The following PLB1 variants were observed in gnomAD, a reference collection of about 807,000 sequenced individuals.
PLB1 encodes phospholipase B1, membrane-associated.
Under a neutral mutation model 227.4 loss-of-function variants are expected in PLB1, and 242 were observed. That is an observed-to-expected ratio of 1.06 (90% CI 0.96 to 1.18). The LOEUF (loss-of-function observed/expected upper bound fraction) is 1.18. Among genes scored for constraint, PLB1 ranks in the 50% most tolerant of loss-of-function variants. PLB1 has a pLI of 0.00. For synonymous variants in PLB1, 757 were observed against 682.2 expected (o/e 1.11, Z -1.71); for missense variants, 1,858 against 1,816.3 (o/e 1.02, Z -0.42).
intron 38 of PLB1, 37 bp downstream of exon 38, chr2:28,602,001 A>C (rs762085287): frequency 2.0e-6 from 3 of 1,523,316 alleles, no homozygotes; most frequent in East Asian, 4.5e-5. Context: ...TAACAGCTCA[A>C]GCATGGTGAG....
intron 53 of PLB1, among the ~76,000 whole-genome samples, chr2:28,629,587 C>T (rs1688308742): frequency 6.6e-6 from 1 of 152,204 alleles, no homozygotes; most frequent in African/African-American, 2.4e-5. Flanking sequence ...ACCACATAAC[C>T]TCTATGAGCC....
chr2:28,510,388 G>A (rs1312151831), intron 1 of PLB1, among the ~76,000 whole-genome samples: 1 of 152,006 alleles, frequency 6.6e-6, no homozygotes, highest in South Asian at 2.1e-4. Context: ...GCCCATTCTT[G>A]TTTGGGTAGC....
intron 33 of PLB1, 99 bp from the exon 34 acceptor site, chr2:28,597,906 G>A: frequency 8.6e-7 from 1 of 1,158,964 alleles, no homozygotes; most frequent in South Asian, 1.2e-5. Flanking sequence ...GTGCCGATGG[G>A]CACTAAGAAG....
At chr2:28,573,011 G>A (rs751622153) in intron 20 of PLB1, among the ~76,000 whole-genome samples, 186 bp from the exon 21 acceptor site, 4 of 152,140 alleles carry the variant, frequency 2.6e-5, no homozygotes, top group African/African-American at 4.8e-5. Context: ...AACATCTGTC[G>A]TGTGCTGCCC....
chr2:28,630,591 A>C lies in PLB1; in HGVS notation c.3824A>C (p.Asn1275Thr). Residue 1275 changes from asparagine (N) to threonine (T), a missense_variant, in exon 54 of 58, where the codon AAC becomes ACC. Coordinates refer to ENST00000327757, the MANE Select transcript of PLB1 (RefSeq NM_153021.5). ...CAACACTCCCTGTCTCACAGGAACA[A>C]CTGCACTTGCCTCAGACACTCGCAA... ...GKCAMLAAQN[N>T]CTCLRHSQSS... The C allele has an allele frequency of 6.2e-7, 1 of 1,613,568 alleles. No individual in the cohort carries two copies. Among genetic ancestry groups the C allele is most frequent in the Non-Finnish European group, 8.5e-7 (1 of 1,179,666 alleles).
intron 17 of PLB1, among the ~76,000 whole-genome samples, chr2:28,556,080 C>CT (rs1675065004): frequency 6.6e-6 from 1 of 152,104 alleles, no homozygotes; most frequent in African/African-American, 2.4e-5. Flanking sequence ...CCGGGCTGGC[C>CT]TTGAACTCCT....
intron 43 of PLB1, among the ~76,000 whole-genome samples, chr2:28,608,395 G>A (rs1182412911): frequency 6.6e-6 from 1 of 152,040 alleles, no homozygotes; most frequent in Non-Finnish European, 1.5e-5. Flanking sequence ...AAACATAGAG[G>A]CAACAGGCAA....
At chr2:28,619,519 G>GTTTTTTTTTTTTTTTTTTTTTTTTTT (rs776491318) in intron 46 of PLB1, among the ~76,000 whole-genome samples, 1 of 124,610 alleles carries the variant, frequency 8.0e-6, no homozygotes, top group Admixed American at 7.7e-5. Context: ...AAATTTCAAG[G>GTTTTTTTTTTTTTTTTTTTTTTTTTT]TTTTGTTTTT....
intron 26 of PLB1, among the ~76,000 whole-genome samples, chr2:28,587,813 G>A (rs192295055): frequency 1.6e-3 from 247 of 152,324 alleles, no homozygotes; most frequent in Non-Finnish European, 2.7e-3. Flanking sequence ...GAAAGCAGGC[G>A]TTCTCTCATC....
intron 21 of PLB1, among the ~76,000 whole-genome samples, chr2:28,575,189 C>A (rs1281502774): frequency 6.6e-6 from 1 of 152,114 alleles, no homozygotes; most frequent in Non-Finnish European, 1.5e-5. Context: ...ATTTTTTTGA[C>A]TTTTTAATTA....
At chr2:28,599,222 A>C (rs1683476330) in intron 35 of PLB1, among the ~76,000 whole-genome samples, 1 of 152,244 alleles carries the variant, frequency 6.6e-6, no homozygotes, top group South Asian at 2.1e-4. Flanking sequence ...GGAGCTAACA[A>C]GAAATGGAAT....
At chr2:28,544,469 C>G (rs1672941848) in intron 14 of PLB1, among the ~76,000 whole-genome samples, 1 of 152,192 alleles carries the variant, frequency 6.6e-6, no homozygotes, top group Admixed American at 6.5e-5. Context: ...ATGGCTTGCC[C>G]TTGAAGGTAC....
At position 28,629,122 on chromosome 2, in the gene PLB1, A is replaced by G. The variant is rs1335827358; in HGVS notation, c.3755A>G (p.Glu1252Gly). The change falls in exon 53 of 58, where the codon GAG becomes GGG. Residue 1252 changes from glutamate to glycine, a missense_variant. Coordinates refer to ENST00000327757, the MANE Select transcript of PLB1 (RefSeq NM_153021.5). ...CCAAGGGCTTTCGTCAACGTGGTGGAGGTCATGGAGCTGGCTAGCCTGTAC... is the reference window on the plus strand; with the variant it reads ...CCAAGGGCTTTCGTCAACGTGGTGGGGGTCATGGAGCTGGCTAGCCTGTAC... ...ELPRAFVNVV[E>G]VMELASLYQG... is the part of the protein sequence containing the mutation. 6.2e-7 allele frequency: 1 copy of G among 1,613,732 alleles called. No individual in the cohort carries two copies. Among genetic ancestry groups the G allele is most frequent in the Non-Finnish European group, 8.5e-7 (1 of 1,179,906 alleles).
intron 56 of PLB1, among the ~76,000 whole-genome samples, chr2:28,633,864 A>G (rs970740805): frequency 6.6e-6 from 1 of 152,196 alleles, no homozygotes; most frequent in African/African-American, 2.4e-5. Flanking sequence ...CCCAACCTGT[A>G]TGTTCCCTCC....
Position 28,593,698 on chromosome 2 carries a change from C to T in PLB1, c.2265C>T (p.Gly755=), listed in dbSNP as rs1365011792. ...GDSLTAGNGI[G]SKPDDLPDVT... ...TTTCAAAGGCTGGCAATGGAATTGG[C>T]TCCAAACCAGACGACCTCCCCGATG... is the stretch of plus-strand genomic sequence containing the variant. The change falls in exon 33 of 58, where the codon GGC becomes GGT. Residue 755 remains glycine (G), a synonymous_variant. Transcript: ENST00000327757. 8.1e-6 allele frequency: 13 copies of T among 1,614,070 alleles called. No individual in the cohort carries two copies. Among genetic ancestry groups the T allele is most frequent in the Non-Finnish European group, 1.0e-5 (12 of 1,179,992 alleles).
intron 49 of PLB1, among the ~76,000 whole-genome samples, chr2:28,623,830 G>C (rs533827108): frequency 6.6e-6 from 1 of 152,196 alleles, no homozygotes; most frequent in Non-Finnish European, 1.5e-5. Flanking sequence ...GGCTGGGTGC[G>C]GTGGCTCACG....
At chr2:28,620,197 C>T in intron 46 of PLB1, 68 bp from the exon 47 acceptor site, 1 of 1,122,060 alleles carries the variant, frequency 8.9e-7, no homozygotes, top group East Asian at 2.7e-5. Flanking sequence ...TACCCCAGGG[C>T]CAGAGGAGGC....
At chr2:28,623,445 A>C (rs185528320) in intron 49 of PLB1, among the ~76,000 whole-genome samples, 5 of 152,288 alleles carry the variant, frequency 3.3e-5, no homozygotes, top group Admixed American at 2.0e-4. Context: ...TCACACCTTG[A>C]ACCTGTTAAA....
intron 51 of PLB1, 56 bp from the exon 52 acceptor site, chr2:28,628,507 C>T (rs1688124420): frequency 6.6e-7 from 1 of 1,523,100 alleles, no homozygotes; most frequent in Admixed American, 1.7e-5. Flanking sequence ...TATGCTCTTG[C>T]CATTCTCTCA....
Sources: gnomAD v4.1 joint callset for allele counts (sites outside exome capture counted in the v4.1 genomes callset) on GRCh38, gnomAD v4.1.1 for gene constraint, MANE v1.5 for transcripts, NCBI Gene and HGNC (gene_info 2026-07-23, HGNC 2026-07-21) for gene names.